Variants in USP30 observed in about 807,000 individuals in gnomAD.
USP30 encodes ubiquitin carboxyl-terminal hydrolase 30.
A neutral mutation model predicts 68.2 loss-of-function variants in USP30; 41 were observed. That is an observed-to-expected ratio of 0.60 (90% CI 0.47 to 0.78). The LOEUF is 0.78. USP30 is among the 30% of genes least tolerant of loss of function. The pLI is 0.00. For missense variants in USP30, 522 were observed against 649.4 expected, an observed-to-expected ratio of 0.80 and a Z score of 2.13; for synonymous variants, 229 against 253.7, an observed-to-expected ratio of 0.90 and a Z score of 0.93.
chr12:109,051,852 G>T (rs889522796), upstream of USP30, among the ~76,000 whole-genome samples: 17 of 152,194 alleles, frequency 1.1e-4, no homozygotes, highest in African/African-American at 4.1e-4. Flanking sequence ...TTACAGGCGT[G>T]AGCCACGGCG....
At chr12:109,065,034 G>A (rs1280335627) in intron 3 of USP30, among the ~76,000 whole-genome samples, 1 of 152,168 alleles carries the variant, frequency 6.6e-6, no homozygotes, top group Non-Finnish European at 1.5e-5. Context: ...TTAAGTGAAA[G>A]CAAGTTTATT....
In USP30 at chr12:109,056,789, A is replaced by G; in HGVS notation, c.191A>G (p.Lys64Arg). 6.2e-7 allele frequency: 1 copy of G among 1,607,514 alleles called. No individual in the cohort carries two copies. Among genetic ancestry groups the G allele is most frequent in the Non-Finnish European group, 8.5e-7 (1 of 1,177,286 alleles). Residue 64 changes from lysine to arginine, a missense_variant and splice_region_variant, in exon 2 of 13, where the codon AAA becomes AGA. Coordinates refer to ENST00000257548, the MANE Select transcript of USP30 (RefSeq NM_032663.5). ...GPITERKKRR[K>R]GLVPGLVNLG... The stretch of plus-strand genomic sequence containing the variant: ...ATTACAGAAAGAAAGAAGCGTAGAA[A>G]AGGTAAGAATGAGAACACTGCATCA...
At chr12:109,043,354 A>G (rs1317035790) in intron 3 of USP30, among the ~76,000 whole-genome samples, 3 of 152,208 alleles carry the variant, frequency 2.0e-5, no homozygotes, top group Admixed American at 6.5e-5. Context: ...CTACAAAGCC[A>G]CACTAATCAA....
At chr12:109,024,606 G>C (rs1593216077) in intron 1 of USP30, among the ~76,000 whole-genome samples, 3 of 151,536 alleles carry the variant, frequency 2.0e-5, no homozygotes, top group Non-Finnish European at 4.4e-5. Context: ...GGAATACCTA[G>C]AGAACTGGTA....
rs551705208 is a variant in USP30 at position 109,061,647 on chromosome 12, C to T, written c.376+3539C>T. Among the ~76,000 whole-genome samples, 156 of 152,010 alleles carry T rather than the reference C, an allele frequency of 1.0e-3. 1 individual carries two copies. The Middle Eastern group carries it at 0.01, about 10-fold the overall frequency. ...CTGGTCTCGAACTCCTAAGCTCAAG[C>T]AATCTGCCTGCCTTGGCCTCCCAGA... On this transcript the variant is annotated intron_variant, in intron 3 of 12. Coordinates refer to ENST00000257548, the MANE Select transcript of USP30 (RefSeq NM_032663.5).
chr12:109,062,302 T>A (rs937641390), intron 3 of USP30, among the ~76,000 whole-genome samples: 1 of 151,876 alleles, frequency 6.6e-6, no homozygotes, highest in Non-Finnish European at 1.5e-5. Flanking sequence ...GCGTCCATTT[T>A]AGTACATGTA....
chr12:109,039,041 T>C (rs1468984139), intron 3 of USP30, among the ~76,000 whole-genome samples: 1 of 152,222 alleles, frequency 6.6e-6, no homozygotes, highest in African/African-American at 2.4e-5. Context: ...AAACATTTTG[T>C]GGCTTATCTT....
intron 7 of USP30, among the ~76,000 whole-genome samples, chr12:109,079,847 A>G (rs770678819): frequency 6.6e-6 from 1 of 152,120 alleles, no homozygotes; most frequent in Non-Finnish European, 1.5e-5. Flanking sequence ...GAGCATATTT[A>G]TGATACATCT....
rs371252443 is a variant in USP30 at position 109,047,300 on chromosome 12, G to C, written c.-135-290G>C. 1.2e-4 allele frequency among the ~76,000 whole-genome samples: 18 copies of C among 152,202 alleles called. No individual in the cohort carries two copies. In the East Asian group the frequency reaches 3.3e-3, roughly 28 times the overall value. Reference sequence around the variant, plus strand: ...ACCCACAAACTTGTCTGGGGAGAAGGGTGAATCAGTGCTAAGAATGTGCTG... The same window carrying C: ...ACCCACAAACTTGTCTGGGGAGAAGCGTGAATCAGTGCTAAGAATGTGCTG... On this transcript the variant is annotated intron_variant, in intron 3 of 15. Coordinates refer to the USP30 transcript ENST00000392784.
intron 3 of USP30, among the ~76,000 whole-genome samples, chr12:109,038,914 T>C (rs889964475): frequency 1.3e-5 from 2 of 152,232 alleles, no homozygotes; most frequent in Non-Finnish European, 2.9e-5. Context: ...TATACTGTAT[T>C]GTGAAGTATC....
intron 2 of USP30, among the ~76,000 whole-genome samples, chr12:109,025,782 A>T (rs1437482942): frequency 1.3e-5 from 2 of 151,432 alleles, no homozygotes; most frequent in Admixed American, 1.3e-4. Context: ...GCCTCAGCCC[A>T]GCTCTAGCGA....
intron 3 of USP30, among the ~76,000 whole-genome samples, chr12:109,030,741 G>T (rs1166892813): frequency 2.6e-5 from 4 of 152,008 alleles, no homozygotes; most frequent in Admixed American, 2.6e-4. Flanking sequence ...TAAGTCCCCC[G>T]ACTAACTGGG....
rs756191999 is a variant in USP30 at position 109,083,078 on chromosome 12, G to A, written c.1168+16G>A. The stretch of plus-strand genomic sequence containing the variant: ...CCCACACCAGGTGTGTGCGCGCGAG[G>A]AGCCGATGCAGCAGGAATTTTCAGC... On this transcript the variant is annotated intron_variant, in intron 11 of 12. Transcript: ENST00000257548. 6.4e-7 allele frequency: 1 copy of A among 1,571,804 alleles called. No homozygotes were observed. Among genetic ancestry groups the A allele is most frequent in the Non-Finnish European group, 8.6e-7 (1 of 1,160,154 alleles).
intron 3 of USP30, among the ~76,000 whole-genome samples, chr12:109,060,415 T>C (rs978846022): frequency 1.3e-5 from 2 of 152,218 alleles, no homozygotes; most frequent in African/African-American, 4.8e-5. Context: ...CACTGAGGTA[T>C]TTTCCCATGT....
intron 1 of USP30, among the ~76,000 whole-genome samples, chr12:109,023,807 G>T (rs2040424924): frequency 6.6e-6 from 1 of 150,494 alleles, no homozygotes; most frequent in Admixed American, 6.6e-5. Flanking sequence ...TAATTTTTTT[G>T]TATTTCTAGT....
chr12:109,034,172 G>A (rs1016571132), intron 3 of USP30, among the ~76,000 whole-genome samples: 1 of 152,080 alleles, frequency 6.6e-6, no homozygotes, highest in Non-Finnish European at 1.5e-5. Context: ...CTTGTACCTC[G>A]TGTTTTTATT....
chr12:109,072,081 C>A (rs1406813675), intron 5 of USP30, among the ~76,000 whole-genome samples: 2 of 152,096 alleles, frequency 1.3e-5, no homozygotes, highest in East Asian at 3.8e-4. Flanking sequence ...TGAAAATATT[C>A]TGGAGAGAAG....
intron 5 of USP30, 29 bp downstream of exon 5, chr12:109,071,739 T>C: frequency 4.4e-6 from 7 of 1,577,238 alleles, no homozygotes; most frequent in South Asian, 3.3e-5. Context: ...CAACACGTTC[T>C]GTGCAGCTTG....
intron 3 of USP30, among the ~76,000 whole-genome samples, chr12:109,043,466 C>A (rs140215254): frequency 2.0e-5 from 3 of 152,132 alleles, no homozygotes; most frequent in African/African-American, 7.2e-5. Flanking sequence ...AGTACCAATA[C>A]GATTGAATGG....
Sources: allele counts gnomAD v4.1 joint callset (sites outside exome capture counted in the v4.1 genomes callset), GRCh38; gene constraint gnomAD v4.1.1; transcripts MANE v1.5; gene names NCBI Gene and HGNC (gene_info 2026-07-23, HGNC 2026-07-21).